TRAPPC9: variants seen among roughly 807,000 people sequenced by gnomAD.
TRAPPC9 encodes IKK2 binding protein.
A neutral mutation model predicts 124.0 loss-of-function variants in TRAPPC9; 83 were observed. The ratio of observed to expected loss-of-function variants is 0.67; its 90% CI spans 0.56 to 0.80. TRAPPC9 has a LOEUF of 0.80. Ranked by LOEUF, TRAPPC9 falls within the 30% of genes least tolerant of loss-of-function variation. The probability of loss-of-function intolerance (pLI) is 0.00; values close to 1 mark genes in which losing one functional copy is unlikely to be tolerated. For synonymous variants in TRAPPC9, 638 were observed against 617.5 expected (o/e 1.03, Z -0.49); for missense variants, 1,302 against 1,508.3 (o/e 0.86, Z 2.27).
At chr8:140,359,554 G>A (rs1295301919) in intron 9 of TRAPPC9, among the ~76,000 whole-genome samples, 1 of 152,148 alleles carries the variant, frequency 6.6e-6, no homozygotes, top group African/African-American at 2.4e-5. Flanking sequence ...TGGAAGGGGG[G>A]ATGGAGTTAC....
At chr8:140,040,594 G>A (rs1841208236) in intron 17 of TRAPPC9, 1 of 152,294 alleles carries the variant, frequency 6.6e-6, no homozygotes, top group African/African-American at 2.4e-5. Flanking sequence ...GTGTTAGCCA[G>A]GATGGTCTTG....
chr8:140,151,103 C>G (rs1563799706), intron 17 of TRAPPC9, among the ~76,000 whole-genome samples: 1 of 152,154 alleles, frequency 6.6e-6, no homozygotes. Context: ...TGGAGATTGA[C>G]AGCAGGGGAG....
At chr8:139,760,008 G>T (rs895899256) in intron 21 of TRAPPC9, among the ~76,000 whole-genome samples, 2 of 152,220 alleles carry the variant, frequency 1.3e-5, no homozygotes, top group African/African-American at 2.4e-5. Context: ...ACCAGCACAC[G>T]CCCGTCATGT....
chr8:140,045,735 C>T (rs1035438940), intron 17 of TRAPPC9, among the ~76,000 whole-genome samples: 2 of 150,278 alleles, frequency 1.3e-5, no homozygotes, highest in African/African-American at 4.9e-5. Context: ...CTCAGGTCTT[C>T]TGGGGAGATG....
chr8:140,141,242 G>A (rs1042084436), intron 17 of TRAPPC9, among the ~76,000 whole-genome samples: 4 of 152,170 alleles, frequency 2.6e-5, no homozygotes, highest in African/African-American at 4.8e-5. Context: ...GGAGAATAGC[G>A]GAAATAAACA....
chr8:139,817,381 G>A (rs1384902287), intron 21 of TRAPPC9, among the ~76,000 whole-genome samples: 3 of 152,188 alleles, frequency 2.0e-5, no homozygotes. Context: ...TTACATCTCA[G>A]GAGTTCCTTT....
chr8:140,228,696 T>C (rs930084078), intron 16 of TRAPPC9, among the ~76,000 whole-genome samples: 4 of 152,224 alleles, frequency 2.6e-5, no homozygotes, highest in Middle Eastern at 3.2e-3. Context: ...ACGTGAAATG[T>C]TCTGGGTGGT....
At chr8:139,815,659 T>TGG (rs33976166) in intron 21 of TRAPPC9, among the ~76,000 whole-genome samples, 87,101 of 151,986 alleles carry the variant, frequency 0.57, 28,054 homozygotes, top group African/African-American at 0.87. Flanking sequence ...CCCAAAGTGC[T>TGG]GATTACAGGC....
At chr8:139,951,385 G>A (rs977885677) in intron 19 of TRAPPC9, among the ~76,000 whole-genome samples, 1 of 152,218 alleles carries the variant, frequency 6.6e-6, no homozygotes, top group Non-Finnish European at 1.5e-5. Flanking sequence ...GAGAAGAAAT[G>A]TGACAGTCAC....
intron 9 of TRAPPC9, among the ~76,000 whole-genome samples, chr8:140,331,355 A>G (rs1389022220): frequency 1.3e-5 from 2 of 152,178 alleles, no homozygotes; most frequent in African/African-American, 2.4e-5. Flanking sequence ...TAAAAACCAA[A>G]ACTACAAATC....
At chr8:140,377,604 GTTTC>G (rs1277775030) in intron 7 of TRAPPC9, among the ~76,000 whole-genome samples, 1 of 152,084 alleles carries the variant, frequency 6.6e-6, no homozygotes, top group African/African-American at 2.4e-5. Context: ...CAAGTTCTGA[GTTTC>G]TTTAAGTCTG....
intron 16 of TRAPPC9, among the ~76,000 whole-genome samples, chr8:140,230,873 G>A (rs925311962): frequency 2.0e-5 from 3 of 152,202 alleles, no homozygotes; most frequent in African/African-American, 7.2e-5. Flanking sequence ...CGGTCCTGGA[G>A]GGTAGGCCCT....
chr8:140,293,350 C>A (rs1172993754), intron 11 of TRAPPC9, among the ~76,000 whole-genome samples: 3 of 151,614 alleles, frequency 2.0e-5, no homozygotes, highest in Non-Finnish European at 2.9e-5. Flanking sequence ...TTTGACCCAG[C>A]CATCCCATTA....
At chr8:140,143,519 T>G (rs2061412087) in intron 17 of TRAPPC9, among the ~76,000 whole-genome samples, 1 of 152,268 alleles carries the variant, frequency 6.6e-6, no homozygotes, top group Non-Finnish European at 1.5e-5. Context: ...GCTCATAATG[T>G]CCTTCTTAGA....
chr8:140,337,154 C>T (rs1220713327), intron 9 of TRAPPC9, among the ~76,000 whole-genome samples: 5 of 152,278 alleles, frequency 3.3e-5, no homozygotes, highest in East Asian at 3.9e-4. Flanking sequence ...TCCCAGCTCG[C>T]ACACGCAGCC....
rs375865661 is a variant in TRAPPC9 at position 140,008,647 on chromosome 8, G to C, written c.2699+15290C>G. The C allele has an allele frequency of 1.5e-4, 23 of 152,362 alleles. No homozygotes were observed. In the East Asian group the frequency reaches 4.2e-3, roughly 28 times the overall value. The allele number at this position is 152,362 out of a possible 1,614,324, so 9.4% of individuals were successfully genotyped here. A position where few individuals can be genotyped will look rare whatever the true frequency, so the allele number is the denominator to read the frequency against. On this transcript the variant is annotated intron_variant, in intron 18 of 22. Transcript: ENST00000438773. ...AGCAGGCACAGGGCACAAGGGTCGA[G>C]AGTAAACTCCGCCCTCACCTGCGGC... is the stretch of plus-strand genomic sequence containing the variant.
At chr8:139,859,915 G>C (rs1431831874) in intron 21 of TRAPPC9, among the ~76,000 whole-genome samples, 2 of 152,158 alleles carry the variant, frequency 1.3e-5, no homozygotes, top group Non-Finnish European at 2.9e-5. Context: ...AGACCCCTTG[G>C]GAATATGATG....
chr8:140,252,656 CAGCTTG>C lies in TRAPPC9; in HGVS notation c.2431+115_2431+120del. 1 of 1,171,884 alleles carries C rather than the reference CAGCTTG, an allele frequency of 8.5e-7. No individual in the cohort carries two copies. Among genetic ancestry groups the C allele is most frequent in the Non-Finnish European group, 1.3e-6 (1 of 798,350 alleles). 72.6% of individuals were successfully genotyped at this position (1,171,884 alleles called of 1,614,324 possible). ...CAAAGTGCCCAGGAGATGTCTCAGGCAGCTTGAGTTAATGAATGACAAGTGAGTTAC... is the reference window on the plus strand; with the variant it reads ...CAAAGTGCCCAGGAGATGTCTCAGGCAGTTAATGAATGACAAGTGAGTTAC... On this transcript the variant is annotated intron_variant, in intron 16 of 22. Coordinates refer to ENST00000438773, the MANE Select transcript of TRAPPC9 (RefSeq NM_001160372.4). The surrounding 1 kb of genome is among the most constrained non-coding windows in gnomAD (Gnocchi z 4.2).
At chr8:139,807,660 C>T (rs1205358484) in intron 21 of TRAPPC9, among the ~76,000 whole-genome samples, 2 of 152,134 alleles carry the variant, frequency 1.3e-5, no homozygotes, top group African/African-American at 4.8e-5. Context: ...GGTGGGCGAA[C>T]GGTACCAAGC....
Sources: allele counts gnomAD v4.1 joint callset (sites outside exome capture counted in the v4.1 genomes callset), GRCh38; gene constraint gnomAD v4.1.1; non-coding constraint Gnocchi (gnomAD v3.1); transcripts MANE v1.5; gene names NCBI Gene and HGNC (gene_info 2026-07-23, HGNC 2026-07-21).